The following RBMS3 variants were observed in gnomAD, a reference collection of about 807,000 sequenced individuals.
RBMS3 encodes the protein RNA binding motif single stranded interacting protein 3.
A neutral mutation model predicts 66.8 loss-of-function variants in RBMS3; 27 were observed. The observed-to-expected ratio is 0.40, with a 90% CI of 0.30 to 0.56. The LOEUF is 0.56. Among genes scored for constraint, RBMS3 ranks in the 20% least tolerant of loss-of-function variants. The probability of loss-of-function intolerance (pLI) is 0.40; values close to 1 mark genes in which losing one functional copy is unlikely to be tolerated. For synonymous variants in RBMS3, 188 were observed against 183.0 expected, an observed-to-expected ratio of 1.03 and a Z score of -0.22; for missense variants, 513 against 549.5, an observed-to-expected ratio of 0.93 and a Z score of 0.66.
At chr3:29,925,277 GCTGT>G (rs912807727) in intron 10 of RBMS3, 1 of 152,110 alleles carries the variant, frequency 6.6e-6, no homozygotes, top group African/African-American at 2.4e-5. Flanking sequence ...ATATTTCGCT[GCTGT>G]CTCTTACTAT....
intron 6 of RBMS3, among the ~76,000 whole-genome samples, chr3:29,784,958 T>A (rs9832610): frequency 0.015 from 2,292 of 152,074 alleles, 51 homozygotes; most frequent in African/African-American, 0.052. Context: ...TCTGAAAATA[T>A]ACAACCCTCC....
chr3:29,968,741 G>A (rs1697031440), intron 12 of RBMS3, among the ~76,000 whole-genome samples: 1 of 152,230 alleles, frequency 6.6e-6, no homozygotes, highest in Non-Finnish European at 1.5e-5. Flanking sequence ...TTCCTTCAGA[G>A]GGTCTGTGGA....
intron 4 of RBMS3, among the ~76,000 whole-genome samples, chr3:29,655,882 G>T (rs2050308327): frequency 6.6e-6 from 1 of 151,330 alleles, no homozygotes; most frequent in Non-Finnish European, 1.5e-5. Flanking sequence ...TACTGAACCT[G>T]ACCCTGTATA....
At chr3:29,418,442 G>T (rs2040568169) in intron 1 of RBMS3, among the ~76,000 whole-genome samples, 1 of 152,088 alleles carries the variant, frequency 6.6e-6, no homozygotes, top group Admixed American at 6.5e-5. Context: ...ATGACCAGTG[G>T]AATCCAAATA....
At chr3:29,608,626 C>G (rs2048390303) in intron 4 of RBMS3, among the ~76,000 whole-genome samples, 2 of 151,962 alleles carry the variant, frequency 1.3e-5, no homozygotes, top group Admixed American at 6.6e-5. Flanking sequence ...TTAACACATG[C>G]TGCATGCATG....
intron 4 of RBMS3, chr3:29,642,744 A>T (rs1576423315): frequency 6.6e-6 from 1 of 152,122 alleles, no homozygotes; most frequent in Admixed American, 6.6e-5. Context: ...GGAAAAGCGC[A>T]TGTGTTCTTG....
intron 4 of RBMS3, among the ~76,000 whole-genome samples, chr3:29,642,428 T>C (rs528088595): frequency 6.6e-5 from 10 of 152,216 alleles, no homozygotes; most frequent in African/African-American, 2.2e-4. Context: ...ATCTCTATTA[T>C]AAATAGAAAA....
intron 6 of RBMS3, among the ~76,000 whole-genome samples, chr3:29,838,470 T>G (rs1333593500): frequency 1.3e-5 from 2 of 152,210 alleles, no homozygotes; most frequent in Non-Finnish European, 2.9e-5. Context: ...TTATGTTAAT[T>G]TCGGCCCACC....
At chr3:29,906,296 A>T (rs917091667) in intron 10 of RBMS3, among the ~76,000 whole-genome samples, 3 of 152,082 alleles carry the variant, frequency 2.0e-5, no homozygotes, top group Non-Finnish European at 4.4e-5. Context: ...TGGAGGATGG[A>T]AAGTCCAAGA....
rs549040744 is a variant in RBMS3, at chr3:29,967,388, C to T, written c.1099-20755C>T. Among the ~76,000 whole-genome samples the T allele has an allele frequency of 2.0e-3, 303 of 152,214 alleles. 2 individuals are homozygous for T. The highest frequency in any genetic ancestry group is 3.1e-3 in the Non-Finnish European group (213 of 68,000). On this transcript the variant is annotated intron_variant, in intron 12 of 14. Coordinates refer to ENST00000383767, the MANE Select transcript of RBMS3 (RefSeq NM_001003793.3). ...TGGCCTCACTGCAACCTCTGCCTCC[C>T]GAGTTCAAGTGCTTCTCCTGCCTCA...
intron 5 of RBMS3, among the ~76,000 whole-genome samples, chr3:29,746,571 T>C (rs1441161831): frequency 6.6e-6 from 1 of 152,174 alleles, no homozygotes; most frequent in Non-Finnish European, 1.5e-5. Flanking sequence ...TTCATCTTTG[T>C]TCTTCTTTTG....
At chr3:29,485,135 G>A (rs928841858) in intron 2 of RBMS3, among the ~76,000 whole-genome samples, 9 of 152,036 alleles carry the variant, frequency 5.9e-5, no homozygotes, top group Admixed American at 3.3e-4. Flanking sequence ...TTTAAATTAG[G>A]CTTGTATGTG....
intron 3 of RBMS3, among the ~76,000 whole-genome samples, chr3:29,568,176 T>A (rs568838214): frequency 6.6e-6 from 1 of 152,308 alleles, no homozygotes; most frequent in South Asian, 2.1e-4. Flanking sequence ...TTTAAAGAGA[T>A]GAATTAATGT....
intron 8 of RBMS3, among the ~76,000 whole-genome samples, chr3:29,887,294 T>C (rs1179689992): frequency 2.0e-5 from 3 of 151,854 alleles, no homozygotes; most frequent in Admixed American, 2.0e-4. Context: ...TTAGGCTTTG[T>C]GTCCCCACCC....
chr3:29,632,971 T>C (rs977768245), intron 4 of RBMS3, among the ~76,000 whole-genome samples: 33 of 151,912 alleles, frequency 2.2e-4, no homozygotes, highest in African/African-American at 7.7e-4. Flanking sequence ...CTAAAAGCAA[T>C]TTTATAAAGA....
chr3:29,646,973 T>G (rs2049946782), intron 4 of RBMS3, among the ~76,000 whole-genome samples: 1 of 152,128 alleles, frequency 6.6e-6, no homozygotes, highest in South Asian at 2.1e-4. Context: ...AGAAGCATCC[T>G]TCTCTTTTCT....
intron 6 of RBMS3, among the ~76,000 whole-genome samples, chr3:29,867,548 C>A (rs73053797): frequency 7.0e-6 from 1 of 143,662 alleles, no homozygotes. Context: ...GGATGACGTA[C>A]CTTTATTCGC....
intron 3 of RBMS3, among the ~76,000 whole-genome samples, chr3:29,526,541 AAAAAAAAAAAAAAAAAAAAAAAAAAAG>A (rs2148984235): frequency 8.5e-6 from 1 of 118,144 alleles, no homozygotes; most frequent in African/African-American, 3.3e-5. Context: ...AAAAAAAAAA[AAAAAAAAAAAAAAAAAAAAAAAAAAAG>A]TTTGAGAAGC....
At chr3:29,609,917 A>G (rs2048438221) in intron 4 of RBMS3, among the ~76,000 whole-genome samples, 1 of 152,066 alleles carries the variant, frequency 6.6e-6, no homozygotes, top group Non-Finnish European at 1.5e-5. Context: ...TCAAAGAATT[A>G]TTAATATACA....
Sources: gnomAD v4.1 joint callset for allele counts (sites outside exome capture counted in the v4.1 genomes callset) on GRCh38, gnomAD v4.1.1 for gene constraint, MANE v1.5 for transcripts, NCBI Gene and HGNC (gene_info 2026-07-23, HGNC 2026-07-21) for gene names.